The following IL6ST variants were observed in gnomAD, a reference collection of about 807,000 sequenced individuals.
IL6ST encodes the protein interleukin-6 receptor subunit beta.
Under a neutral mutation model 91.3 loss-of-function variants are expected in IL6ST, and 24 were observed. The ratio of observed to expected loss-of-function variants is 0.26; its 90% CI spans 0.19 to 0.37. The LOEUF (loss-of-function observed/expected upper bound fraction) is 0.37, where lower values mean the gene tolerates loss of function less well. Ranked by LOEUF, IL6ST falls within the 10% of genes least tolerant of loss-of-function variation. The pLI is 1.00. For synonymous variants in IL6ST, 351 were observed against 373.6 expected, an observed-to-expected ratio of 0.94 and a Z score of 0.70; for missense variants, 914 against 1,078.5, an observed-to-expected ratio of 0.85 and a Z score of 2.14.
At chr5:55,993,394 C>T (rs968471220) in intron 1 of IL6ST, among the ~76,000 whole-genome samples, 4 of 152,128 alleles carry the variant, frequency 2.6e-5, no homozygotes, top group Admixed American at 6.5e-5. Context: ...TAACTTTCGC[C>T]CTAACACTGA....
At chr5:55,943,904 C>T (rs528945461) in intron 15 of IL6ST, among the ~76,000 whole-genome samples, 1 of 152,204 alleles carries the variant, frequency 6.6e-6, no homozygotes, top group South Asian at 2.1e-4. Flanking sequence ...ACCCCCATCT[C>T]TACTAAACTA....
At chr5:55,968,423 A>C in intron 4 of IL6ST, 27 bp from the exon 5 acceptor site, 1 of 1,603,940 alleles carries the variant, frequency 6.2e-7, no homozygotes, top group Non-Finnish European at 8.5e-7. Context: ...AGCATCTTTC[A>C]GAAAGCTTTA....
In IL6ST at chr5:55,947,607, A is replaced by T; in HGVS notation, c.1841-18T>A. The T allele has an allele frequency of 7.0e-7, 1 of 1,438,748 alleles. No individual in the cohort carries two copies. Among genetic ancestry groups the T allele is most frequent in the Non-Finnish European group, 9.5e-7 (1 of 1,051,674 alleles). The allele number at this position is 1,438,748 out of a possible 1,614,324, so 89.1% of individuals were successfully genotyped here. On this transcript the variant is annotated intron_variant, in intron 14 of 16. Coordinates refer to ENST00000381298, the MANE Select transcript of IL6ST (RefSeq NM_002184.4). ...TCCTTGAGCTTAAAAAAAAAAAAAA[A>T]AAAAAAAAAAGAGGTGTGATGGGAA...
At chr5:55,959,882 A>C (rs190243572) in intron 8 of IL6ST, among the ~76,000 whole-genome samples, 1,526 of 151,492 alleles carry the variant, frequency 0.01, 17 homozygotes, top group Non-Finnish European at 0.017. Flanking sequence ...TCACCATTCC[A>C]TGATGAATTT....
At position 55,989,630 on chromosome 5, in the gene IL6ST, T is replaced by G. The variant is rs77860057; in HGVS notation, c.-104+5154A>C. 2.6e-5 allele frequency among the ~76,000 whole-genome samples: 4 copies of G among 152,328 alleles called. No homozygotes were observed. In the East Asian group the frequency reaches 7.7e-4, roughly 29 times the overall value. On this transcript the variant is annotated intron_variant, in intron 1 of 16. Coordinates refer to ENST00000381298, the MANE Select transcript of IL6ST (RefSeq NM_002184.4). ...CTTAAGAAATAAAAGCTCAAGCTTT[T>G]ATTCAATTTTTATTCCGTTACAAAC...
chr5:55,949,858 G>A (rs1157012943), intron 14 of IL6ST, among the ~76,000 whole-genome samples: 1 of 152,110 alleles, frequency 6.6e-6, no homozygotes, highest in African/African-American at 2.4e-5. Context: ...ACTTGGGGGT[G>A]GGGGTTACAA....
At position 55,940,208 on chromosome 5, in the gene IL6ST, G is replaced by T. The variant is rs552812054; in HGVS notation, c.*874C>A. ...TGCCAATTTTTTAGATGCTTTATTG[G>T]TTTTTTTTCCCCTTTACTACTACTT... On this transcript the variant is annotated 3_prime_UTR_variant, in exon 17 of 17. Transcript: ENST00000381298. 5.8e-4 allele frequency: 121 copies of T among 207,554 alleles called. No homozygotes were observed. The South Asian group carries it at 9.7e-3, about 17-fold the overall frequency. 12.9% of individuals were successfully genotyped at this position (207,554 alleles called of 1,614,324 possible). A position where few individuals can be genotyped will look rare whatever the true frequency, so the allele number is the denominator to read the frequency against.
intron 15 of IL6ST, among the ~76,000 whole-genome samples, chr5:55,946,203 G>T (rs1456227925): frequency 6.6e-6 from 1 of 152,156 alleles, no homozygotes; most frequent in Admixed American, 6.5e-5. Flanking sequence ...ACACCCACTA[G>T]AATGAAAGAA....
intron 11 of IL6ST, 98 bp from the exon 12 acceptor site, chr5:55,952,449 A>G: frequency 1.5e-6 from 1 of 660,062 alleles, no homozygotes; most frequent in African/African-American, 1.8e-5. Flanking sequence ...TGACCACTTA[A>G]TTTTCTTTTA....
intron 11 of IL6ST, 79 bp from the exon 12 acceptor site, chr5:55,952,430 A>C (rs1256918426): frequency 1.6e-5 from 12 of 770,284 alleles, no homozygotes; most frequent in Admixed American, 2.4e-5. Flanking sequence ...TTTTTACATT[A>C]TAATTTCATG....
At chr5:55,970,466 C>T (rs761677157) in intron 3 of IL6ST, among the ~76,000 whole-genome samples, 4 of 152,196 alleles carry the variant, frequency 2.6e-5, no homozygotes, top group East Asian at 1.9e-4. Context: ...GCAAGAGGAT[C>T]GCTCGAGCTC....
At chr5:55,949,308 C>A (rs1266137889) in intron 14 of IL6ST, among the ~76,000 whole-genome samples, 1 of 151,982 alleles carries the variant, frequency 6.6e-6, no homozygotes, top group Non-Finnish European at 1.5e-5. Context: ...CCCATCTCTA[C>A]CAAAAAAATT....
intron 1 of IL6ST, among the ~76,000 whole-genome samples, chr5:55,988,369 T>C (rs1279652429): frequency 6.6e-6 from 1 of 152,190 alleles, no homozygotes; most frequent in African/African-American, 2.4e-5. Flanking sequence ...CATGACAAAC[T>C]ATTAGGACTA....
intron 2 of IL6ST, among the ~76,000 whole-genome samples, chr5:55,976,870 C>T (rs946849566): frequency 7.2e-5 from 11 of 152,238 alleles, no homozygotes; most frequent in African/African-American, 2.4e-4. Context: ...CAGATAGGAA[C>T]GCAAAATGAT....
rs924512976 is a variant in IL6ST, at chr5:55,936,881, A to T, written c.*4201T>A. The T allele has an allele frequency of 4.5e-5, 9 of 198,022 alleles. No individual in the cohort carries two copies. Among genetic ancestry groups the T allele is most frequent in the Non-Finnish European group, 6.3e-5 (6 of 95,644 alleles). The allele number at this position is 198,022 out of a possible 1,614,324, so 12.3% of individuals were successfully genotyped here. On this transcript the variant is annotated 3_prime_UTR_variant, in exon 17 of 17. Transcript: ENST00000381298. Reference sequence around the variant, plus strand: ...AAGTGAACATGAAAGGATTGCACTTAGAAGAAAGTGGGACATAGCTAGGAT... The same window carrying T: ...AAGTGAACATGAAAGGATTGCACTTTGAAGAAAGTGGGACATAGCTAGGAT...
chr5:55,944,492 T>C (rs972920869), intron 15 of IL6ST, among the ~76,000 whole-genome samples: 4 of 152,228 alleles, frequency 2.6e-5, no homozygotes, highest in Admixed American at 6.5e-5. Flanking sequence ...AAAAAAGTTA[T>C]GCAAGGCCTG....
rs775027261 is a variant in IL6ST, at chr5:55,963,349, T to C, written c.813+3A>G. 1.1e-5 allele frequency: 17 copies of C among 1,565,264 alleles called. No individual in the cohort carries two copies. Among genetic ancestry groups the C allele is most frequent in the Admixed American group, 2.0e-5 (1 of 50,000 alleles). On this transcript the variant is annotated splice_donor_region_variant and intron_variant, in intron 7 of 16. Transcript: ENST00000381298. Reference sequence around the variant, plus strand: ...TTTGAATAAACGGTAACTTTCAATTTACCTGGCTCCAAGTTGAGGCATCTT... The same window carrying C: ...TTTGAATAAACGGTAACTTTCAATTCACCTGGCTCCAAGTTGAGGCATCTT...
At chr5:55,988,079 C>T (rs1290540908) in intron 1 of IL6ST, among the ~76,000 whole-genome samples, 1 of 147,278 alleles carries the variant, frequency 6.8e-6, no homozygotes, top group Non-Finnish European at 1.5e-5. Flanking sequence ...TGCAGTGAGC[C>T]GAGAATGCAC....
chr5:55,992,154 A>G (rs1754369831), intron 1 of IL6ST, among the ~76,000 whole-genome samples: 1 of 152,098 alleles, frequency 6.6e-6, no homozygotes, highest in Non-Finnish European at 1.5e-5. Flanking sequence ...CTGTCAGTGT[A>G]CTCTTACATC....
Sources: gnomAD v4.1 joint callset for allele counts (sites outside exome capture counted in the v4.1 genomes callset) on GRCh38, gnomAD v4.1.1 for gene constraint, MANE v1.5 for transcripts, NCBI Gene and HGNC (gene_info 2026-07-23, HGNC 2026-07-21) for gene names.